The following SPRR2B variants were observed in gnomAD, a reference collection of about 807,000 sequenced individuals.
The protein encoded by SPRR2B is small proline rich protein 2B.
In SPRR2B, 1 loss-of-function variant was observed where a neutral mutation model predicts 1.0. The observed-to-expected ratio is 1.01, with a 90% CI of 0.36 to 4.77. The LOEUF is 4.77. Among genes scored for constraint, SPRR2B ranks in the 30% most tolerant of loss-of-function variants. The pLI is 0.16. For synonymous variants in SPRR2B, 27 were observed against 33.4 expected, an observed-to-expected ratio of 0.81 and a Z score of 0.66; for missense variants, 53 against 88.7, an observed-to-expected ratio of 0.60 and a Z score of 1.62.
At chr1:153,077,672 A>C in the SPRR2B span, among the ~76,000 whole-genome samples, 3 of 150,624 alleles carry the variant, frequency 2.0e-5, no homozygotes, top group Non-Finnish European at 2.9e-5. Context: ...GCTGGAATGC[A>C]GTGGCATGAT....
At chr1:153,080,247 T>A in the SPRR2B span, among the ~76,000 whole-genome samples, 7,234 of 152,062 alleles carry the variant, frequency 0.048, 572 homozygotes, top group African/African-American at 0.17. Context: ...CTCAAATAAT[T>A]CACTCTCAAA....
the SPRR2B span, among the ~76,000 whole-genome samples, chr1:153,080,269 T>C: frequency 6.6e-6 from 1 of 152,074 alleles, no homozygotes; most frequent in African/African-American, 2.4e-5. Context: ...ATGGCTAGAA[T>C]AATAAAAGTT....
chr1:153,074,846 C>G (rs1654742000), upstream of SPRR2B, among the ~76,000 whole-genome samples: 1 of 152,078 alleles, frequency 6.6e-6, no homozygotes, highest in African/African-American at 2.4e-5. Flanking sequence ...AGATAATGGT[C>G]TTTTTTATTT....
the SPRR2B span, among the ~76,000 whole-genome samples, chr1:153,077,614 T>C: frequency 1.5e-4 from 23 of 152,234 alleles, no homozygotes; most frequent in African/African-American, 5.3e-4. Context: ...ATTTTCTTTT[T>C]TTTTCTTTTC....
At chr1:153,076,772 A>G in the SPRR2B span, among the ~76,000 whole-genome samples, 9 of 152,356 alleles carry the variant, frequency 5.9e-5, no homozygotes, top group South Asian at 1.7e-3. Context: ...AGCTTTAGTC[A>G]TAATATCCAC....
chr1:153,072,426 C>A (rs947559762), upstream of SPRR2B, among the ~76,000 whole-genome samples: 18 of 152,136 alleles, frequency 1.2e-4, no homozygotes, highest in Non-Finnish European at 1.5e-5. Context: ...TACAAGCATT[C>A]ATTTTAAATC....
chr1:153,082,328 A>C, the SPRR2B span, among the ~76,000 whole-genome samples: 1 of 152,178 alleles, frequency 6.6e-6, no homozygotes, highest in African/African-American at 2.4e-5. Context: ...AATTCTCCCC[A>C]AAAACACAAA....
the SPRR2B span, among the ~76,000 whole-genome samples, chr1:153,084,796 G>A: frequency 6.6e-6 from 1 of 152,166 alleles, no homozygotes; most frequent in Admixed American, 6.5e-5. Context: ...TAGTGAACAG[G>A]GGTCAGGGAG....
At chr1:153,074,825 C>T (rs1178840317), upstream of SPRR2B, among the ~76,000 whole-genome samples, 1 of 152,124 alleles carries the variant, frequency 6.6e-6, no homozygotes, top group East Asian at 1.9e-4. Context: ...ATGTCCATTG[C>T]TCAGTTAGTC....
the SPRR2B span, among the ~76,000 whole-genome samples, chr1:153,077,631 T>A: frequency 1.3e-5 from 2 of 152,052 alleles, no homozygotes; most frequent in African/African-American, 4.8e-5. Context: ...TTTCTTTTTT[T>A]TTTTCGACAC....
At chr1:153,072,327 T>C (rs1654684583), upstream of SPRR2B, among the ~76,000 whole-genome samples, 2 of 152,232 alleles carry the variant, frequency 1.3e-5, no homozygotes, top group African/African-American at 4.8e-5. Flanking sequence ...TTGCTACTGC[T>C]GCTATCAAGG....
chr1:153,080,915 A>C, the SPRR2B span, among the ~76,000 whole-genome samples: 25,161 of 152,150 alleles, frequency 0.17, 3,553 homozygotes, highest in East Asian at 0.49. Flanking sequence ...TGAATCGATA[A>C]ACTGTGGTAC....
At chr1:153,083,850 G>A in the SPRR2B span, among the ~76,000 whole-genome samples, 1 of 152,234 alleles carries the variant, frequency 6.6e-6, no homozygotes, top group African/African-American at 2.4e-5. Context: ...GTTTGGTAAG[G>A]GAGTGTCTGT....
upstream of SPRR2B, among the ~76,000 whole-genome samples, chr1:153,075,599 A>G (rs1437951236): frequency 6.6e-6 from 1 of 152,210 alleles, no homozygotes; most frequent in Non-Finnish European, 1.5e-5. Flanking sequence ...AAAAAATTAA[A>G]TCAGAGACTG....
At chr1:153,072,229 T>A (rs74432511), upstream of SPRR2B, among the ~76,000 whole-genome samples, 202 of 152,284 alleles carry the variant, frequency 1.3e-3, 6 homozygotes, top group East Asian at 0.038. Context: ...ATATTCCTTT[T>A]CCCTTTGAAG....
At chr1:153,072,249 A>G (rs753280976), upstream of SPRR2B, among the ~76,000 whole-genome samples, 5 of 152,162 alleles carry the variant, frequency 3.3e-5, no homozygotes. Context: ...GTTGTCTTAC[A>G]CACCTCTTAT....
At chr1:153,072,141 C>T (rs765857684), upstream of SPRR2B, among the ~76,000 whole-genome samples, 5 of 152,294 alleles carry the variant, frequency 3.3e-5, no homozygotes, top group Non-Finnish European at 7.4e-5. Flanking sequence ...CCACATTGTG[C>T]CATCTGTTGA....
chr1:153,085,242 G>A, the SPRR2B span, among the ~76,000 whole-genome samples: 3 of 152,128 alleles, frequency 2.0e-5, no homozygotes, highest in South Asian at 2.1e-4. Flanking sequence ...AGATGTAGGA[G>A]TATGTTGAAA....
At chr1:153,081,825 C>CTTTCCTT in the SPRR2B span, among the ~76,000 whole-genome samples, 41 of 137,016 alleles carry the variant, frequency 3.0e-4, no homozygotes, top group East Asian at 8.3e-3. Flanking sequence ...CTTTTCTTTT[C>CTTTCCTT]TTTTTTTTTT....
Sources: allele counts gnomAD v4.1 joint callset (sites outside exome capture counted in the v4.1 genomes callset), GRCh38; gene constraint gnomAD v4.1.1; transcripts MANE v1.5; gene names NCBI Gene and HGNC (gene_info 2026-07-23, HGNC 2026-07-21).